The following CC2D2B variants were observed in gnomAD, a reference collection of about 807,000 sequenced individuals.
CC2D2B encodes the protein protein CC2D2B.
A neutral mutation model predicts 161.2 loss-of-function variants in CC2D2B; 128 were observed. The observed-to-expected ratio is 0.79, with a 90% CI of 0.69 to 0.92. The LOEUF (loss-of-function observed/expected upper bound fraction) is 0.92. Among genes scored for constraint, CC2D2B ranks in the 40% least tolerant of loss-of-function variants. The pLI, the probability that CC2D2B is intolerant of heterozygous loss-of-function variation, is 0.00. For missense variants in CC2D2B, 1,173 were observed against 1,375.1 expected (o/e 0.85, Z 2.32); for synonymous variants, 391 against 449.8 (o/e 0.87, Z 1.65).
chr10:96,020,010 T>G, intron 32 of CC2D2B, 186 bp downstream of exon 32: 1 of 503,162 alleles, frequency 2.0e-6, no homozygotes, highest in Non-Finnish European at 3.5e-6. Context: ...GCAGAAAAAA[T>G]AAATTGAGAA....
At chr10:95,918,845 C>G (rs567098156) in intron 2 of CC2D2B, 4 of 151,990 alleles carry the variant, frequency 2.6e-5, no homozygotes, top group Non-Finnish European at 5.9e-5. Flanking sequence ...TTTCAAATAG[C>G]CTGTCTTCAA....
At chr10:96,006,371 C>T (rs2078749616) in intron 25 of CC2D2B, among the ~76,000 whole-genome samples, 1 of 148,878 alleles carries the variant, frequency 6.7e-6, no homozygotes, top group African/African-American at 2.4e-5. Flanking sequence ...TATATATATA[C>T]ATAACATTTC....
intron 1 of CC2D2B, among the ~76,000 whole-genome samples, 200 bp from the exon 2 acceptor site, chr10:95,911,101 G>A (rs1392488465): frequency 6.6e-6 from 1 of 151,770 alleles, no homozygotes; most frequent in Non-Finnish European, 1.5e-5. Flanking sequence ...TCCTTCTTTT[G>A]CACATCTTAT....
Position 95,911,347 on chromosome 10 carries a change from TA to T in CC2D2B, c.25del (p.Ile9PhefsTer18), listed in dbSNP as rs773313769. On this transcript the variant is annotated frameshift_variant, in exon 2 of 35. Coordinates refer to ENST00000646931, the MANE Select transcript of CC2D2B (RefSeq NM_001349008.3). LOFTEE classifies it high-confidence loss of function. ...TCATGAAAAAATCTCAAAGAGAAGA[TA>T]TTTTTAAAAAGGTAAGGTATTAATG... The part of the protein sequence containing the change: MKKSQRED[I>X]FKKMSEEMDN... 4.1e-6 allele frequency: 1 copy of T among 242,806 alleles called. No homozygotes were observed. Among genetic ancestry groups the T allele is most frequent in the Non-Finnish European group, 7.7e-6 (1 of 129,098 alleles). The allele number at this position is 242,806 out of a possible 1,614,324, so 15.0% of individuals were successfully genotyped here.
At chr10:95,945,777 C>CTTTT (rs34209550) in intron 9 of CC2D2B, among the ~76,000 whole-genome samples, 23 of 81,138 alleles carry the variant, frequency 2.8e-4, no homozygotes, top group African/African-American at 4.3e-4. Flanking sequence ...TAATGTTGGA[C>CTTTT]TTTTTTTTTT....
At chr10:96,020,950 G>C (rs1157772803) in intron 32 of CC2D2B, 1 of 152,168 alleles carries the variant, frequency 6.6e-6, no homozygotes, top group African/African-American at 2.4e-5. Context: ...TAGGTGAGAG[G>C]ACTGTTTGAG....
chr10:95,947,120 T>A (rs1280680044), intron 9 of CC2D2B, among the ~76,000 whole-genome samples: 7,363 of 41,684 alleles, frequency 0.18, 568 homozygotes, highest in African/African-American at 0.26. Flanking sequence ...TATATTTTTT[T>A]TTTTTTTTTT....
At chr10:95,941,815 A>T (rs1027603734) in intron 9 of CC2D2B, among the ~76,000 whole-genome samples, 1 of 152,182 alleles carries the variant, frequency 6.6e-6, no homozygotes, top group Non-Finnish European at 1.5e-5. Flanking sequence ...ATAGAACCGT[A>T]ATATGATCCA....
intron 25 of CC2D2B, among the ~76,000 whole-genome samples, chr10:96,009,373 A>G (rs1479852406): frequency 6.6e-6 from 1 of 152,096 alleles, no homozygotes; most frequent in African/African-American, 2.4e-5. Context: ...TTGATGGAAT[A>G]CTTTTATGAT....
intron 17 of CC2D2B, among the ~76,000 whole-genome samples, chr10:95,979,559 C>T (rs1429321105): frequency 1.3e-5 from 2 of 152,146 alleles, no homozygotes; most frequent in Non-Finnish European, 2.9e-5. Context: ...AGGAACTGAG[C>T]CCACAACCAC....
rs1370273235 is a variant in CC2D2B, at chr10:96,027,296, G to A, written c.4032G>A (p.Leu1344=). ...GGAATCGACAGTGTACTTTTATTTT[G>A]CGACAAATCCTTCCTAAGCTGGAAT... ...THWNRQCTFI[L]RQILPKLEFG... is the part of the protein sequence containing the mutation. The change falls in exon 34 of 35, where the codon TTG becomes TTA. Residue 1344 remains leucine, a synonymous_variant. Transcript: ENST00000646931. The A allele has an allele frequency of 3.9e-6, 6 of 1,551,302 alleles. No homozygotes were observed. Among genetic ancestry groups the A allele is most frequent in the Non-Finnish European group, 4.4e-6 (5 of 1,146,804 alleles).
intron 1 of CC2D2B, among the ~76,000 whole-genome samples, chr10:95,908,577 A>G (rs1276792753): frequency 2.0e-5 from 3 of 152,162 alleles, no homozygotes; most frequent in Admixed American, 6.6e-5. Flanking sequence ...AGAATAAACA[A>G]GAACTCCATC....
At chr10:95,924,516 T>G in intron 4 of CC2D2B, 126 bp downstream of exon 4, 1 of 578,214 alleles carries the variant, frequency 1.7e-6, no homozygotes. Flanking sequence ...TCCTAAAGTC[T>G]TCCTCTCTCT....
chr10:95,995,333 A>T lies in CC2D2B; in HGVS notation c.2707A>T (p.Lys903Ter). ...ISCLRHRETI[K>*]SVASDETLHE... is the part of the protein sequence containing the mutation. Reference sequence around the variant, plus strand: ...TTGCCTCAGACATAGAGAAACAATCAAATCAGTAGCCTCAGATGAGACCTT... The same window carrying T: ...TTGCCTCAGACATAGAGAAACAATCTAATCAGTAGCCTCAGATGAGACCTT... Residue 903 changes from lysine (K) to a stop codon, truncating the protein, a stop_gained, in exon 23 of 35, where the codon AAA becomes TAA. Transcript: ENST00000646931. LOFTEE classifies it high-confidence loss of function. 2.0e-6 allele frequency: 3 copies of T among 1,530,520 alleles called. No homozygotes were observed. Among genetic ancestry groups the T allele is most frequent in the Non-Finnish European group, 1.7e-6 (2 of 1,143,276 alleles). The allele number at this position is 1,530,520 out of a possible 1,614,324, so 94.8% of individuals were successfully genotyped here.
At chr10:96,025,190 AAAATATAT>A (rs1564684409) in intron 33 of CC2D2B, among the ~76,000 whole-genome samples, 4 of 52,940 alleles carry the variant, frequency 7.6e-5, no homozygotes, top group Non-Finnish European at 1.1e-4. Context: ...TATATAAAAA[AAAATATAT>A]ATATATATAT....
chr10:95,943,098 G>A (rs12267027), intron 9 of CC2D2B, among the ~76,000 whole-genome samples: 1 of 151,816 alleles, frequency 6.6e-6, no homozygotes, highest in South Asian at 2.1e-4. Flanking sequence ...CAGTGTGAAG[G>A]CTCATTCTGA....
Position 95,924,806 on chromosome 10 carries a change from G to T in CC2D2B, c.202G>T (p.Glu68Ter). 1 of 1,547,482 alleles carries T rather than the reference G, an allele frequency of 6.5e-7. No individual in the cohort carries two copies. The highest frequency in any genetic ancestry group is 8.7e-7 in the Non-Finnish European group (1 of 1,143,544). Reference protein sequence around the residue: ...KINKGEKSSTEQLIDSEIHQR... With the variant: ...KINKGEKSST Reference sequence around the variant, plus strand: ...TAATAAAGGTGAAAAATCTTCAACTGAGCAGCTCATTGATAGCGAAATACA... The same window carrying T: ...TAATAAAGGTGAAAAATCTTCAACTTAGCAGCTCATTGATAGCGAAATACA... The change falls in exon 5 of 35, where the codon GAG (glutamate) becomes TAG (stop). Residue 68 changes from glutamate (E) to a stop codon, truncating the protein, a stop_gained. Transcript: ENST00000646931. LOFTEE classifies it high-confidence loss of function.
chr10:96,027,107 G>C (rs2079815473), intron 33 of CC2D2B, 105 bp from the exon 34 acceptor site: 1 of 809,306 alleles, frequency 1.2e-6, no homozygotes. Context: ...TGGGGGACAA[G>C]AGCGAGACTT....
intron 10 of CC2D2B, chr10:95,950,481 G>C (rs1212936798): frequency 6.5e-6 from 1 of 153,290 alleles, no homozygotes; most frequent in East Asian, 1.9e-4. Flanking sequence ...GTCTGAAGAT[G>C]ATTAATCCAA....
Sources: gnomAD v4.1 joint callset for allele counts (sites outside exome capture counted in the v4.1 genomes callset) on GRCh38, gnomAD v4.1.1 for gene constraint, MANE v1.5 for transcripts, NCBI Gene and HGNC (gene_info 2026-07-23, HGNC 2026-07-21) for gene names.